GRK5: variants seen among roughly 807,000 people sequenced by gnomAD.
The protein encoded by GRK5 is G protein-coupled receptor kinase 5, also known as g protein-coupled receptor kinase GRK5.
Under a neutral mutation model 78.4 loss-of-function variants are expected in GRK5, and 40 were observed. That is an observed-to-expected ratio of 0.51 (90% confidence interval 0.40 to 0.66). The LOEUF (loss-of-function observed/expected upper bound fraction) is 0.66, where lower values mean the gene tolerates loss of function less well. Among genes scored for constraint, GRK5 ranks in the 30% least tolerant of loss-of-function variants. The probability of loss-of-function intolerance (pLI) is 0.00; values close to 1 mark genes in which losing one functional copy is unlikely to be tolerated. For missense variants in GRK5, 598 were observed against 759.9 expected, an observed-to-expected ratio of 0.79 and a Z score of 2.50; for synonymous variants, 289 against 296.8, an observed-to-expected ratio of 0.97 and a Z score of 0.27.
chr10:119,414,604 T>C (rs1852410297), intron 4 of GRK5, among the ~76,000 whole-genome samples: 1 of 152,208 alleles, frequency 6.6e-6, no homozygotes, highest in South Asian at 2.1e-4. Context: ...TCCCTAGGTT[T>C]GAATCCTGTC....
chr10:119,318,969 T>A (rs1233268678), intron 1 of GRK5, among the ~76,000 whole-genome samples: 1 of 152,174 alleles, frequency 6.6e-6, no homozygotes, highest in East Asian at 1.9e-4. Flanking sequence ...CGCTTTAGTC[T>A]CTCAGTAGCT....
chr10:119,243,496 A>G (rs186179229), intron 1 of GRK5, among the ~76,000 whole-genome samples: 11 of 152,318 alleles, frequency 7.2e-5, no homozygotes, highest in Admixed American at 4.6e-4. Flanking sequence ...AAGAGAATTT[A>G]TGGATTCATA....
intron 1 of GRK5, among the ~76,000 whole-genome samples, chr10:119,319,008 A>G (rs1443946773): frequency 6.6e-6 from 1 of 152,180 alleles, no homozygotes; most frequent in Non-Finnish European, 1.5e-5. Flanking sequence ...GCCCGTGCTT[A>G]AGAATCAGTG....
intron 1 of GRK5, among the ~76,000 whole-genome samples, chr10:119,252,487 G>T (rs1319360180): frequency 6.6e-6 from 1 of 152,142 alleles, no homozygotes; most frequent in Non-Finnish European, 1.5e-5. Context: ...AGAGGGCTAC[G>T]CTGGAGAGGC....
rs1564941775 is a variant in GRK5, at chr10:119,452,794, C to G, written c.1528C>G (p.Pro510Ala). ...GTTCTCCACGGGCTCTGTGTCCATC[C>G]CATGGCAAAACGAGGTGAGCAGGGC... ...SKFSTGSVSI[P>A]WQNEMIETEC... Residue 510 changes from proline (P) to alanine (A), a missense_variant, in exon 14 of 16, where the codon CCA (proline) becomes GCA (alanine). Coordinates refer to ENST00000392870, the MANE Select transcript of GRK5 (RefSeq NM_005308.3). This position sits in a 1 kb window ranked among gnomAD's most constrained non-coding sequence, Gnocchi z 4.4. 6.2e-7 allele frequency: 1 copy of G among 1,613,940 alleles called. No homozygotes were observed. The highest frequency in any genetic ancestry group is 8.5e-7 in the Non-Finnish European group (1 of 1,179,948).
At chr10:119,219,249 C>G (rs1848626078) in intron 1 of GRK5, among the ~76,000 whole-genome samples, 1 of 152,052 alleles carries the variant, frequency 6.6e-6, no homozygotes, top group Admixed American at 6.6e-5. Context: ...GGATCTGTTG[C>G]CTAGGCTGGA....
In GRK5 at chr10:119,321,734, C is replaced by T. The variant is rs528784750; in HGVS notation, c.53-4782C>T. On this transcript the variant is annotated intron_variant, in intron 1 of 15. Transcript: ENST00000392870. ...ATCCCTGAGGGCGTTATCCTGCCCACCACAGTCCCCCTGCCCTATTCTGGA... is the reference window on the plus strand; with the variant it reads ...ATCCCTGAGGGCGTTATCCTGCCCATCACAGTCCCCCTGCCCTATTCTGGA... Among the ~76,000 whole-genome samples, 13 of 152,286 alleles carry T rather than the reference C, an allele frequency of 8.5e-5. No homozygotes were observed. The East Asian group carries it at 2.1e-3, about 25-fold the overall frequency.
chr10:119,312,066 G>A (rs958697538), intron 1 of GRK5, among the ~76,000 whole-genome samples: 1 of 151,702 alleles, frequency 6.6e-6, no homozygotes, highest in African/African-American at 2.4e-5. Context: ...ACATCCACCC[G>A]CTGCTAATTT....
chr10:119,441,951 G>GC (rs1564936731), intron 10 of GRK5, 48 bp from the exon 11 acceptor site: 1 of 1,473,808 alleles, frequency 6.8e-7, no homozygotes, highest in African/African-American at 1.4e-5. Context: ...AAGGCCGGGT[G>GC]CCCATGCGGC....
intron 11 of GRK5, 40 bp from the exon 12 acceptor site, chr10:119,443,504 T>A: frequency 1.3e-6 from 2 of 1,553,996 alleles, no homozygotes; most frequent in South Asian, 2.3e-5. Context: ...ACCAGCTGTC[T>A]CCCTCCTCCT....
chr10:119,274,443 G>A (rs949243215), intron 1 of GRK5, among the ~76,000 whole-genome samples: 4 of 152,226 alleles, frequency 2.6e-5, no homozygotes, highest in South Asian at 2.1e-4. Context: ...CCCAGCTTCT[G>A]TAGGGCACTT....
chr10:119,445,398 G>C lies in GRK5; in HGVS notation c.1266+1646G>C, dbSNP rs1408373281. Among the ~76,000 whole-genome samples the C allele has an allele frequency of 6.6e-6, 1 of 152,108 alleles. No individual in the cohort carries two copies. The highest frequency in any genetic ancestry group is 1.5e-5 in the Non-Finnish European group (1 of 68,008). ...AGCAGGGATATGGGACGTACTAAGA[G>C]GATGACGAGGCGGAGAGGGCCCCAG... On this transcript the variant is annotated intron_variant, in intron 12 of 15. Coordinates refer to ENST00000392870, the MANE Select transcript of GRK5 (RefSeq NM_005308.3). The surrounding 1 kb of genome is among the most constrained non-coding windows in gnomAD (Gnocchi z 4.1).
At chr10:119,392,939 T>C (rs1276714499) in intron 3 of GRK5, among the ~76,000 whole-genome samples, 3 of 152,266 alleles carry the variant, frequency 2.0e-5, no homozygotes, top group Non-Finnish European at 4.4e-5. Context: ...TTACGTTTGC[T>C]GGTTAAGCTG....
intron 2 of GRK5, among the ~76,000 whole-genome samples, chr10:119,354,946 C>T (rs1851243691): frequency 6.6e-6 from 1 of 152,082 alleles, no homozygotes; most frequent in African/African-American, 2.4e-5. Context: ...GGCTCTAGGA[C>T]TCCCCGAGAA....
chr10:119,260,799 C>G (rs1181438051), intron 1 of GRK5, among the ~76,000 whole-genome samples: 3 of 151,332 alleles, frequency 2.0e-5, no homozygotes, highest in South Asian at 4.2e-4. Flanking sequence ...TCTCCCATGT[C>G]TACTTCTTTC....
intron 13 of GRK5, 103 bp downstream of exon 13, chr10:119,448,363 C>T (rs533456153): frequency 1.1e-5 from 15 of 1,335,228 alleles, no homozygotes; most frequent in African/African-American, 1.5e-5. Context: ...TGGGGCACAT[C>T]GTGTCTTTGT....
intron 2 of GRK5, among the ~76,000 whole-genome samples, chr10:119,345,821 G>C (rs111867623): frequency 3.2e-4 from 46 of 144,936 alleles, no homozygotes; most frequent in African/African-American, 1.2e-3. Flanking sequence ...TTCTATTTAG[G>C]AGCTGTTTGA....
chr10:119,425,162 A>G lies in GRK5; in HGVS notation c.533+77A>G. 7.5e-6 allele frequency: 8 copies of G among 1,069,770 alleles called. No homozygotes were observed. The South Asian group carries it at 1.0e-4, about 13-fold the overall frequency. The allele number at this position is 1,069,770 out of a possible 1,614,324, so 66.3% of individuals were successfully genotyped here. ...TCATCTGAGAATTCATATAAAAATC[A>G]GTTACCTCCCGTGGGCTCATGGTTA... On this transcript the variant is annotated intron_variant, in intron 6 of 15. Coordinates refer to ENST00000392870, the MANE Select transcript of GRK5 (RefSeq NM_005308.3).
At chr10:119,353,281 C>T (rs1003597881) in intron 2 of GRK5, among the ~76,000 whole-genome samples, 6 of 152,182 alleles carry the variant, frequency 3.9e-5, no homozygotes, top group Non-Finnish European at 7.3e-5. Flanking sequence ...GAGACTTACT[C>T]CACCTGGTTG....
Sources: gnomAD v4.1 joint callset for allele counts (sites outside exome capture counted in the v4.1 genomes callset) on GRCh38, gnomAD v4.1.1 for gene constraint, Gnocchi (gnomAD v3.1) non-coding constraint, MANE v1.5 for transcripts, NCBI Gene and HGNC (gene_info 2026-07-23, HGNC 2026-07-21) for gene names.